GLRB: variants seen among roughly 807,000 people sequenced by gnomAD.
GLRB encodes the protein glycine receptor subunit beta.
GLRB carries 33 observed loss-of-function variants against 54.2 expected under a neutral mutation model. That is an observed-to-expected ratio of 0.61 (90% CI 0.46 to 0.81). GLRB has a LOEUF of 0.81. Ranked by LOEUF, GLRB falls within the 40% of genes least tolerant of loss-of-function variation. The pLI, the probability that GLRB is intolerant of heterozygous loss-of-function variation, is 0.00. For synonymous variants in GLRB, 209 were observed against 208.2 expected (o/e 1.00, Z -0.03); for missense variants, 572 against 584.6 (o/e 0.98, Z 0.22).
intron 2 of GLRB, among the ~76,000 whole-genome samples, chr4:157,101,439 T>C (rs977019251): frequency 1.5e-4 from 23 of 152,040 alleles, no homozygotes; most frequent in African/African-American, 5.1e-4. Context: ...ACTTGAAACT[T>C]TTAAGGAGGA....
intron 9 of GLRB, among the ~76,000 whole-genome samples, chr4:157,157,121 G>A (rs991626428): frequency 4.6e-5 from 7 of 152,116 alleles, no homozygotes; most frequent in African/African-American, 1.7e-4. Context: ...AATTGGTGTT[G>A]GTGAAAGTCC....
At chr4:157,102,389 C>T (rs1735064968) in intron 2 of GLRB, among the ~76,000 whole-genome samples, 1 of 152,124 alleles carries the variant, frequency 6.6e-6, no homozygotes, top group Non-Finnish European at 1.5e-5. Flanking sequence ...CTCTCCGCTT[C>T]TATAGGTTTG....
intron 2 of GLRB, among the ~76,000 whole-genome samples, chr4:157,102,831 C>T (rs1414319014): frequency 6.6e-6 from 1 of 152,088 alleles, no homozygotes; most frequent in African/African-American, 2.4e-5. Context: ...GGGGCGGAGA[C>T]TTGGCATTTA....
chr4:157,129,311 A>C, intron 4 of GLRB, among the ~76,000 whole-genome samples: 1 of 151,778 alleles, frequency 6.6e-6, no homozygotes, highest in East Asian at 1.9e-4. Context: ...ATAGAGCTAT[A>C]ATTACTGTGA....
At chr4:157,082,323 A>G (rs560774397) in intron 2 of GLRB, among the ~76,000 whole-genome samples, 1 of 152,292 alleles carries the variant, frequency 6.6e-6, no homozygotes, top group East Asian at 1.9e-4. Flanking sequence ...CCACTCATAC[A>G]TAATACAGTA....
At chr4:157,159,868 C>T (rs1410799622) in intron 9 of GLRB, among the ~76,000 whole-genome samples, 2 of 152,116 alleles carry the variant, frequency 1.3e-5, no homozygotes, top group Admixed American at 6.5e-5. Context: ...AGGGAGGATT[C>T]CCTCTTTTTC....
At position 157,110,759 on chromosome 4, in the gene GLRB, G is replaced by T. The variant is rs376874390; in HGVS notation, c.123-9797G>T. ...ATCTCCCAGTTTCCACAGATTGATC[G>T]TGTGCTAGAGAAGACCTTCACCATT... On this transcript the variant is annotated intron_variant, in intron 2 of 9. Coordinates refer to ENST00000264428, the MANE Select transcript of GLRB (RefSeq NM_000824.5). 1.2e-3 allele frequency among the ~76,000 whole-genome samples: 188 copies of T among 151,998 alleles called. 2 individuals carry two copies. Among genetic ancestry groups the T allele is most frequent in the African/African-American group, 4.3e-3 (180 of 41,474 alleles).
intron 7 of GLRB, 118 bp from the exon 8 acceptor site, chr4:157,143,688 CA>C (rs1162560834): frequency 1.9e-5 from 19 of 977,244 alleles, no homozygotes; most frequent in Non-Finnish European, 2.8e-5. Flanking sequence ...TTTTTTGAGG[CA>C]TTTCCTCTGT....
chr4:157,098,760 C>T (rs1256874550), intron 2 of GLRB, among the ~76,000 whole-genome samples: 1 of 151,960 alleles, frequency 6.6e-6, no homozygotes, highest in Non-Finnish European at 1.5e-5. Context: ...CATGCACCAC[C>T]ATGCTGGCTA....
chr4:157,135,683 A>C (rs1464238345), intron 4 of GLRB, among the ~76,000 whole-genome samples: 1 of 152,116 alleles, frequency 6.6e-6, no homozygotes, highest in Non-Finnish European at 1.5e-5. Context: ...GTATGTCTTT[A>C]TTGGCAGCGT....
At chr4:157,084,229 A>G (rs1418343482) in intron 2 of GLRB, among the ~76,000 whole-genome samples, 2 of 152,172 alleles carry the variant, frequency 1.3e-5, no homozygotes, top group African/African-American at 2.4e-5. Context: ...CACATACTAC[A>G]TATTTTTGCC....
chr4:157,138,446 A>T (rs1241803483), intron 6 of GLRB, among the ~76,000 whole-genome samples: 1 of 152,168 alleles, frequency 6.6e-6, no homozygotes, highest in Non-Finnish European at 1.5e-5. Context: ...ATATTACATG[A>T]TTGTAAATGT....
chr4:157,099,525 C>T (rs185030396), intron 2 of GLRB, among the ~76,000 whole-genome samples: 5 of 151,912 alleles, frequency 3.3e-5, no homozygotes, highest in Admixed American at 2.0e-4. Flanking sequence ...TCAGTAGAGA[C>T]GGGGTTTCAC....
intron 2 of GLRB, among the ~76,000 whole-genome samples, chr4:157,091,576 A>C (rs1257403432): frequency 6.6e-6 from 1 of 152,206 alleles, no homozygotes; most frequent in African/African-American, 2.4e-5. Flanking sequence ...AACACTCCTC[A>C]AAGTGTTGTC....
chr4:157,132,922 A>G (rs893311590), intron 4 of GLRB, among the ~76,000 whole-genome samples: 8 of 151,942 alleles, frequency 5.3e-5, no homozygotes, highest in African/African-American at 1.9e-4. Flanking sequence ...TAATAGTCTG[A>G]AAATCTCAGA....
chr4:157,155,839 C>A (rs1737206679), intron 9 of GLRB, among the ~76,000 whole-genome samples: 1 of 152,062 alleles, frequency 6.6e-6, no homozygotes, highest in African/African-American at 2.4e-5. Context: ...TGTTTCTTGC[C>A]AAATTTGGAG....
At chr4:157,090,351 G>A (rs1040847631) in intron 2 of GLRB, among the ~76,000 whole-genome samples, 3 of 152,174 alleles carry the variant, frequency 2.0e-5, no homozygotes, top group African/African-American at 7.2e-5. Context: ...GAAAAGTGGG[G>A]CATTGTTTAA....
intron 2 of GLRB, among the ~76,000 whole-genome samples, chr4:157,111,040 T>G (rs565827866): frequency 6.8e-6 from 1 of 146,022 alleles, no homozygotes; most frequent in Non-Finnish European, 1.5e-5. Flanking sequence ...TCGGGTAGCA[T>G]CTGTGATGAG....
Position 157,170,694 on chromosome 4 carries a change from T to G in GLRB, c.1460T>G (p.Phe487Cys). Residue 487 changes from phenylalanine (F) to cysteine (C), a missense_variant, in exon 10 of 10, where the codon TTC becomes TGC. By Grantham distance (205) the Phe-to-Cys change is radical. Coordinates refer to ENST00000264428, the MANE Select transcript of GLRB (RefSeq NM_000824.5). ...GCATTGTTTCCTTTCTGCTTCTTGT[T>G]CTTCAATGTTATATATTGGTCTATA... The part of the protein sequence containing the change: ...ARALFPFCFL[F>C]FNVIYWSIYL 6.3e-7 allele frequency: 1 copy of G among 1,591,886 alleles called. No individual in the cohort carries two copies. Among genetic ancestry groups the G allele is most frequent in the Non-Finnish European group, 8.6e-7 (1 of 1,165,094 alleles).
Sources: gnomAD v4.1 joint callset for allele counts (sites outside exome capture counted in the v4.1 genomes callset) on GRCh38, gnomAD v4.1.1 for gene constraint, MANE v1.5 for transcripts, NCBI Gene and HGNC (gene_info 2026-07-23, HGNC 2026-07-21) for gene names.